Variants in PITPNM2 observed in about 807,000 individuals in gnomAD.
PITPNM2 encodes the protein membrane-associated phosphatidylinositol transfer protein 2.
Under a neutral mutation model 132.2 loss-of-function variants are expected in PITPNM2, and 35 were observed. The observed-to-expected ratio is 0.26, with a 90% CI of 0.20 to 0.35. The LOEUF is 0.35. Ranked by LOEUF, PITPNM2 falls within the 10% of genes least tolerant of loss-of-function variation. The pLI is 1.00. For synonymous variants in PITPNM2, 738 were observed against 799.2 expected (o/e 0.92, Z 1.29); for missense variants, 1,332 against 1,912.0 (o/e 0.70, Z 5.66).
intron 3 of PITPNM2, among the ~76,000 whole-genome samples, chr12:123,015,607 T>C (rs1256938963): frequency 6.6e-6 from 1 of 152,024 alleles, no homozygotes; most frequent in Non-Finnish European, 1.5e-5. Flanking sequence ...TGAGAAATGG[T>C]AGTTTAAAAA....
chr12:123,120,056 C>T (rs889028104), intron 1 of PITPNM2, among the ~76,000 whole-genome samples: 3 of 152,078 alleles, frequency 2.0e-5, no homozygotes, highest in Non-Finnish European at 2.9e-5. Context: ...TATGGCCTGC[C>T]GGGGTTTTGC....
chr12:123,017,010 C>T (rs921474098), intron 3 of PITPNM2, among the ~76,000 whole-genome samples: 2 of 148,924 alleles, frequency 1.3e-5, no homozygotes, highest in African/African-American at 2.5e-5. Context: ...TGTGCCACTG[C>T]ACTCCAGCCT....
At chr12:123,075,631 C>T (rs2041760389) in intron 2 of PITPNM2, 2 of 152,244 alleles carry the variant, frequency 1.3e-5, no homozygotes, top group African/African-American at 4.8e-5. Flanking sequence ...GAGCTTTCCA[C>T]ACTTTCACAG....
chr12:123,143,906 G>A (rs946153435), intron 1 of PITPNM2, among the ~76,000 whole-genome samples: 1 of 152,164 alleles, frequency 6.6e-6, no homozygotes, highest in African/African-American at 2.4e-5. Flanking sequence ...AGTACCATCA[G>A]CATTGTGAGG....
At chr12:123,065,461 G>A (rs2041381637) in intron 2 of PITPNM2, among the ~76,000 whole-genome samples, 1 of 152,250 alleles carries the variant, frequency 6.6e-6, no homozygotes, top group African/African-American at 2.4e-5. Flanking sequence ...AGGAGAGGCA[G>A]GAGGATGCAA....
chr12:123,147,872 G>C (rs964606066), intron 1 of PITPNM2, among the ~76,000 whole-genome samples: 5 of 152,154 alleles, frequency 3.3e-5, no homozygotes, highest in African/African-American at 9.7e-5. Flanking sequence ...AGTGTGTCAG[G>C]GAGGCCCAAG....
At position 123,008,624 on chromosome 12, in the gene PITPNM2, G is replaced by A. The variant is rs907095011; in HGVS notation, c.643+1226C>T. Among the ~76,000 whole-genome samples, 1 of 152,190 alleles carries A rather than the reference G, an allele frequency of 6.6e-6. No individual in the cohort carries two copies. The highest frequency in any genetic ancestry group is 1.5e-5 in the Non-Finnish European group (1 of 68,030). ...TAAGCTCCCATGGGGTTAGAGAGAT[G>A]GATTGTGGGAATGCATCCCTCTCAA... On this transcript the variant is annotated intron_variant, in intron 6 of 25. Coordinates refer to ENST00000320201, the MANE Select transcript of PITPNM2 (RefSeq NM_020845.3). This position sits in a 1 kb window ranked among gnomAD's most constrained non-coding sequence, Gnocchi z 4.1.
chr12:123,098,964 A>G (rs908140771), intron 2 of PITPNM2, among the ~76,000 whole-genome samples: 3 of 152,118 alleles, frequency 2.0e-5, no homozygotes, highest in Non-Finnish European at 4.4e-5. Flanking sequence ...AAACTCCTCC[A>G]TATCCTTCAA....
chr12:122,986,157 C>G lies in PITPNM2; in HGVS notation c.3920G>C (p.Arg1307Pro), dbSNP rs746342215. The G allele has an allele frequency of 1.3e-6, 2 of 1,533,808 alleles. No individual in the cohort carries two copies. Among genetic ancestry groups the G allele is most frequent in the Non-Finnish European group, 1.7e-6 (2 of 1,145,154 alleles). ...CGCCTGGCTCTGTGTCCGCTCGTGC[C>G]GGTGGCTGGGCCCGCTGGGCTGGGC... ...ISAQPSGPSH[R>P]HERTQSQADG... The change falls in exon 26 of 26, where the codon CGG becomes CCG. Residue 1307 changes from arginine (R) to proline (P), a missense_variant. This residue lies in a region of PITPNM2 where 163 missense variants were observed against 177.2 expected (regional missense o/e 0.92). Coordinates refer to ENST00000320201, the MANE Select transcript of PITPNM2 (RefSeq NM_020845.3).
rs1378268913 is a variant in PITPNM2 at position 122,994,472 on chromosome 12, AC to A, written c.2233+328del. Among the ~76,000 whole-genome samples the A allele has an allele frequency of 6.6e-6, 1 of 151,764 alleles. No homozygotes were observed. The highest frequency in any genetic ancestry group is 1.5e-5 in the Non-Finnish European group (1 of 67,940). On this transcript the variant is annotated intron_variant, in intron 15 of 25. Transcript: ENST00000320201. The surrounding 1 kb of genome is among the most constrained non-coding windows in gnomAD (Gnocchi z 5.4). The stretch of plus-strand genomic sequence containing the variant: ...CCTCTGCATCTCTCCCTATGGGAGG[AC>A]CTTGGACCTGGGAGGCTGGGTCTGT...
Position 123,005,254 on chromosome 12 carries a change from G to A in PITPNM2, c.938C>T (p.Ser313Leu), listed in dbSNP as rs2038877152. Reference sequence around the variant, plus strand: ...CAGGGCCTTACCTCCCCGCTTGGACGACCGAGACGACTTGGAGGATGTGGA... The same window carrying A: ...CAGGGCCTTACCTCCCCGCTTGGACAACCGAGACGACTTGGAGGATGTGGA... ...QWSTSSKSSRSSKRGASPSRH... is the reference protein window; with the variant it reads ...QWSTSSKSSRLSKRGASPSRH... The change falls in exon 7 of 26, where the codon TCG (serine) becomes TTG (leucine). Residue 313 changes from serine to leucine, a missense_variant. Ser to Leu is a moderately radical substitution (Grantham distance 145, BLOSUM62 -2). Around this residue, in one of 6 missense-constraint regions of PITPNM2, gnomAD observed 710 missense variants for 911.5 expected, o/e 0.78. Coordinates refer to ENST00000320201, the MANE Select transcript of PITPNM2 (RefSeq NM_020845.3). The surrounding 1 kb of genome is among the most constrained non-coding windows in gnomAD (Gnocchi z 6.2). 14 of 1,612,074 alleles carry A rather than the reference G, an allele frequency of 8.7e-6. No homozygotes were observed. Among genetic ancestry groups the A allele is most frequent in the Non-Finnish European group, 1.2e-5 (14 of 1,178,590 alleles).
chr12:122,996,408 G>T (rs774752626), intron 13 of PITPNM2, 50 bp downstream of exon 13: 5 of 1,605,800 alleles, frequency 3.1e-6, no homozygotes, highest in African/African-American at 2.7e-5. Flanking sequence ...CCCTGGGGGC[G>T]TGCAGGAGGC....
At chr12:123,028,264 T>C (rs1009141893) in intron 3 of PITPNM2, among the ~76,000 whole-genome samples, 1 of 152,222 alleles carries the variant, frequency 6.6e-6, no homozygotes, top group African/African-American at 2.4e-5. Context: ...ACGGTGTATA[T>C]TGAGTGCTGC....
chr12:123,130,433 G>T (rs866154817), intron 1 of PITPNM2, among the ~76,000 whole-genome samples: 1 of 152,100 alleles, frequency 6.6e-6, no homozygotes, highest in Non-Finnish European at 1.5e-5. Context: ...TTTGCCCAAG[G>T]CCACCGAGCC....
rs949170072 is a variant in PITPNM2 at position 122,984,054 on chromosome 12, C to T, written c.*1973G>A. 6.5e-6 allele frequency: 1 copy of T among 152,754 alleles called. No homozygotes were observed. Among genetic ancestry groups the T allele is most frequent in the Admixed American group, 6.5e-5 (1 of 15,292 alleles). 9.5% of individuals were successfully genotyped at this position (152,754 alleles called of 1,614,324 possible). On this transcript the variant is annotated 3_prime_UTR_variant, in exon 26 of 26. Coordinates refer to ENST00000320201, the MANE Select transcript of PITPNM2 (RefSeq NM_020845.3). ...TCCCATGGGGGGGCAGGCTGCCCAC[C>T]TTGCCATCTATGGCTGAGGGCCGCT... is the stretch of plus-strand genomic sequence containing the variant.
intron 2 of PITPNM2, among the ~76,000 whole-genome samples, chr12:123,056,968 A>C (rs1010900164): frequency 1.3e-5 from 2 of 152,182 alleles, no homozygotes; most frequent in Non-Finnish European, 2.9e-5. Context: ...TCAGCCTTGG[A>C]CAAGTCAGAG....
At chr12:123,043,982 G>C in intron 2 of PITPNM2, among the ~76,000 whole-genome samples, 1 of 152,144 alleles carries the variant, frequency 6.6e-6, no homozygotes, top group Admixed American at 6.5e-5. Context: ...CTCCTACCCT[G>C]GTCCTCTAGG....
chr12:123,029,869 T>C (rs2040015071), intron 3 of PITPNM2, among the ~76,000 whole-genome samples: 1 of 149,762 alleles, frequency 6.7e-6, no homozygotes, highest in Non-Finnish European at 1.5e-5. Flanking sequence ...ACTAGAGCCA[T>C]GGGTGAGGGA....
Position 123,005,087 on chromosome 12 carries a change from C to A in PITPNM2, c.952+153G>T, listed in dbSNP as rs58251569. On this transcript the variant is annotated intron_variant, in intron 7 of 25. Transcript: ENST00000320201. The surrounding 1 kb of genome is among the most constrained non-coding windows in gnomAD (Gnocchi z 6.2). Reference sequence around the variant, plus strand: ...GGCAGGGCCCAGGCTTCCCTGTGTGCGAGGACTAGCCCAGGGCTCTGACTC... The same window carrying A: ...GGCAGGGCCCAGGCTTCCCTGTGTGAGAGGACTAGCCCAGGGCTCTGACTC... Among the ~76,000 whole-genome samples, 1,005 of 152,278 alleles carry A rather than the reference C, an allele frequency of 6.6e-3. 14 individuals carry two copies. Among genetic ancestry groups the A allele is most frequent in the African/African-American group, 0.023 (948 of 41,570 alleles).
Sources: gnomAD v4.1 joint callset for allele counts (sites outside exome capture counted in the v4.1 genomes callset) on GRCh38, gnomAD v4.1.1 for gene constraint, gnomAD v4.1.1 regional missense constraint, Gnocchi (gnomAD v3.1) non-coding constraint, MANE v1.5 for transcripts, NCBI Gene and HGNC (gene_info 2026-07-23, HGNC 2026-07-21) for gene names.